The following CCDC88A variants were observed in gnomAD, a reference collection of about 807,000 sequenced individuals.
CCDC88A encodes the protein girdin.
Under a neutral mutation model 234.3 loss-of-function variants are expected in CCDC88A, and 54 were observed. The ratio of observed to expected loss-of-function variants is 0.23; its 90% CI spans 0.19 to 0.29. CCDC88A has a LOEUF of 0.29. Among genes scored for constraint, CCDC88A ranks in the 10% least tolerant of loss-of-function variants. CCDC88A has a pLI of 1.00. For missense variants in CCDC88A, 1,832 were observed against 2,123.4 expected, an observed-to-expected ratio of 0.86 and a Z score of 2.70; for synonymous variants, 753 against 737.8, an observed-to-expected ratio of 1.02 and a Z score of -0.33.
At chr2:55,302,800 T>C (rs10186158) in intron 26 of CCDC88A, 11,898 of 247,960 alleles carry the variant, frequency 0.048, 1,274 homozygotes, top group African/African-American at 0.23. Context: ...AAAGGGTTTT[T>C]TTCCTGCCAA....
At chr2:55,383,240 T>C (rs1444166628) in intron 3 of CCDC88A, among the ~76,000 whole-genome samples, 1 of 152,090 alleles carries the variant, frequency 6.6e-6, no homozygotes, top group Non-Finnish European at 1.5e-5. Flanking sequence ...TACCAACCTA[T>C]CAAAAAAATT....
chr2:55,312,514 T>A lies in CCDC88A; in HGVS notation c.3999A>T (p.Thr1333=), dbSNP rs920823142. ...ENRHLLDQIQ[T]LMLQNRTLLE... The stretch of plus-strand genomic sequence containing the variant: ...AAAGTGTTCTGTTCTGTAGCATTAA[T>A]GTCTGAATTTGATCTAGTAGATGCC... Residue 1333 remains threonine, a synonymous_variant, in exon 23 of 33, where the codon ACA becomes ACT. Coordinates refer to ENST00000436346, the MANE Select transcript of CCDC88A (RefSeq NM_001365480.1). 19 of 1,611,962 alleles carry A rather than the reference T, an allele frequency of 1.2e-5. No individual in the cohort carries two copies. The highest frequency in any genetic ancestry group is 1.5e-5 in the Non-Finnish European group (18 of 1,179,204).
chr2:55,334,902 T>G lies in CCDC88A; in HGVS notation c.1919A>C (p.Glu640Ala). 1 of 1,518,114 alleles carries G rather than the reference T, an allele frequency of 6.6e-7. No homozygotes were observed. Among genetic ancestry groups the G allele is most frequent in the South Asian group, 1.2e-5 (1 of 81,200 alleles). The allele number at this position is 1,518,114 out of a possible 1,614,324, so 94.0% of individuals were successfully genotyped here. A position where few individuals can be genotyped will look rare whatever the true frequency, so the allele number is the denominator to read the frequency against. Residue 640 changes from glutamate (E) to alanine (A), a missense_variant, in exon 15 of 33, where the codon GAA becomes GCA. Glu to Ala is a moderately radical substitution (Grantham distance 107, BLOSUM62 -1). Around this residue, in one of 6 missense-constraint regions of CCDC88A, gnomAD observed 1,282 missense variants for 1,543.6 expected, o/e 0.83. Coordinates refer to ENST00000436346, the MANE Select transcript of CCDC88A (RefSeq NM_001365480.1). This position sits in a 1 kb window ranked among gnomAD's most constrained non-coding sequence, Gnocchi z 6.1. ...TATTTTTTTCTGTAATAATTCATTT[T>G]CTTTTTCAAGATGATGCAATTCATT... ...LENELHHLEK[E>A]NELLQKKITN...
chr2:55,391,187 C>G (rs188573997), intron 2 of CCDC88A, among the ~76,000 whole-genome samples: 1 of 151,988 alleles, frequency 6.6e-6, no homozygotes, highest in Non-Finnish European at 1.5e-5. Flanking sequence ...CAGCAGAGAC[C>G]GCAGAAGAGT....
chr2:55,406,826 A>C (rs1056689820), intron 2 of CCDC88A, among the ~76,000 whole-genome samples: 3 of 152,042 alleles, frequency 2.0e-5, no homozygotes, highest in Non-Finnish European at 4.4e-5. Context: ...GTGGTCCTTC[A>C]CCACCCAGGG....
intron 5 of CCDC88A, among the ~76,000 whole-genome samples, chr2:55,371,431 C>A (rs1201619971): frequency 1.3e-5 from 2 of 152,028 alleles, no homozygotes; most frequent in Admixed American, 6.6e-5. Context: ...TTATAAATAA[C>A]CTCATTCCAC....
rs1404809158 is a variant in CCDC88A, at chr2:55,418,893, G to A, written c.87C>T (p.Ala29=). 2 of 1,613,980 alleles carry A rather than the reference G, an allele frequency of 1.2e-6. No homozygotes were observed. Among genetic ancestry groups the A allele is most frequent in the East Asian group, 2.2e-5 (1 of 44,882 alleles). ...VTWVKTFGPL[A]AGNGTNLDEY... ...CATCAAGGTTGGTCCCATTTCCTGC[G>A]GCCAGAGGTCCAAACGTTTTAACCT... is the stretch of plus-strand genomic sequence containing the variant. The change falls in exon 2 of 33, where the codon GCC becomes GCT. Residue 29 remains alanine (A), a synonymous_variant. Coordinates refer to ENST00000436346, the MANE Select transcript of CCDC88A (RefSeq NM_001365480.1).
rs191229914 is a variant in CCDC88A at position 55,355,632 on chromosome 2, C to G, written c.747G>C (p.Leu249=). ...CTTTAGCATCTGCCAGTTCCACCGA[C>G]AGATGTTGTCGACTTTCTGTTCGCT... The part of the protein sequence containing the change: ...GMKRTESRQH[L]SVELADAKAK... Residue 249 remains leucine (L), a synonymous_variant, in exon 8 of 33, where the codon CTG becomes CTC. Coordinates refer to ENST00000436346, the MANE Select transcript of CCDC88A (RefSeq NM_001365480.1). 1.8e-4 allele frequency: 287 copies of G among 1,614,126 alleles called. No homozygotes were observed. The highest frequency in any genetic ancestry group is 1.3e-4 in the Non-Finnish European group (153 of 1,179,998).
intron 2 of CCDC88A, among the ~76,000 whole-genome samples, chr2:55,415,321 A>AGTATACAAACATATTTCTACTG (rs1422144623): frequency 2.0e-5 from 3 of 152,182 alleles, no homozygotes; most frequent in Admixed American, 2.0e-4. Context: ...AAAACAAAAA[A>AGTATACAAACATATTTCTACTG]GTATACAAAC....
intron 22 of CCDC88A, 40 bp downstream of exon 22, chr2:55,315,888 C>G: frequency 8.7e-7 from 1 of 1,145,290 alleles, no homozygotes; most frequent in Non-Finnish European, 1.2e-6. Flanking sequence ...TGTCTTGGTG[C>G]CTAAATGAAG....
At chr2:55,377,218 A>T (rs2104839894) in intron 3 of CCDC88A, among the ~76,000 whole-genome samples, 1 of 116,944 alleles carries the variant, frequency 8.6e-6, no homozygotes, top group Non-Finnish European at 1.7e-5. Context: ...TTTTTTTGAG[A>T]CAGGGTCTTA....
intron 8 of CCDC88A, among the ~76,000 whole-genome samples, chr2:55,352,627 C>A (rs576351512): frequency 3.3e-5 from 5 of 152,006 alleles, no homozygotes; most frequent in African/African-American, 1.2e-4. Context: ...AAAATTATTT[C>A]AAAACATGGG....
At chr2:55,389,671 T>C (rs1207841250) in intron 2 of CCDC88A, among the ~76,000 whole-genome samples, 1 of 152,190 alleles carries the variant, frequency 6.6e-6, no homozygotes. Flanking sequence ...TCAAGACCCC[T>C]TTGTAATCTT....
At chr2:55,346,648 G>A (rs1669146846) in intron 9 of CCDC88A, among the ~76,000 whole-genome samples, 1 of 152,074 alleles carries the variant, frequency 6.6e-6, no homozygotes, top group South Asian at 2.1e-4. Context: ...TCAAACTCCT[G>A]ACCTCAGGTG....
chr2:55,344,841 C>T (rs191793881), intron 10 of CCDC88A, among the ~76,000 whole-genome samples: 72 of 152,228 alleles, frequency 4.7e-4, no homozygotes, highest in Middle Eastern at 6.8e-3. Context: ...TCCATGGAAT[C>T]AAGGCTTAAT....
chr2:55,352,466 T>A (rs1670016593), intron 8 of CCDC88A, among the ~76,000 whole-genome samples: 1 of 151,152 alleles, frequency 6.6e-6, no homozygotes, highest in African/African-American at 2.4e-5. Flanking sequence ...AAACAAGAAA[T>A]TGGTGTGTGA....
In CCDC88A at chr2:55,371,808, C is replaced by A. The variant is rs147862579; in HGVS notation, c.402+644G>T. 3.1e-3 allele frequency among the ~76,000 whole-genome samples: 467 copies of A among 152,112 alleles called. 1 individual carries two copies. The highest frequency in any genetic ancestry group is 0.011 in the African/African-American group (452 of 41,502). On this transcript the variant is annotated intron_variant, in intron 5 of 32. Transcript: ENST00000436346. ...GCCCACTCTATAATTATTAACAGTA[C>A]CTTCTTTGACTTTCGCAAGTGTCCC... is the stretch of plus-strand genomic sequence containing the variant.
intron 31 of CCDC88A, chr2:55,292,619 G>C (rs181811914): frequency 6.6e-6 from 1 of 152,164 alleles, no homozygotes; most frequent in African/African-American, 2.4e-5. Context: ...AGTGGCTCAC[G>C]CCTGTAATCC....
At position 55,290,779 on chromosome 2, in the gene CCDC88A, T is replaced by A. The variant is rs1326577769; in HGVS notation, c.*421A>T. Reference sequence around the variant, plus strand: ...CACAACTAAATATAAATGGCTAGATTTTGGCTAACACTTAGCAGAAGCATT... The same window carrying A: ...CACAACTAAATATAAATGGCTAGATATTGGCTAACACTTAGCAGAAGCATT... On this transcript the variant is annotated 3_prime_UTR_variant, in exon 33 of 33. Coordinates refer to ENST00000436346, the MANE Select transcript of CCDC88A (RefSeq NM_001365480.1). 1.3e-5 allele frequency: 2 copies of A among 152,548 alleles called. No homozygotes were observed. Among genetic ancestry groups the A allele is most frequent in the Non-Finnish European group, 2.9e-5 (2 of 67,972 alleles). The allele number at this position is 152,548 out of a possible 1,614,324, so 9.4% of individuals were successfully genotyped here. A position where few individuals can be genotyped will look rare whatever the true frequency, so the allele number is the denominator to read the frequency against.
Sources: gnomAD v4.1 joint callset for allele counts (sites outside exome capture counted in the v4.1 genomes callset) on GRCh38, gnomAD v4.1.1 for gene constraint, gnomAD v4.1.1 regional missense constraint, Gnocchi (gnomAD v3.1) non-coding constraint, MANE v1.5 for transcripts, NCBI Gene and HGNC (gene_info 2026-07-23, HGNC 2026-07-21) for gene names.